CALN1: variants seen among roughly 807,000 people sequenced by gnomAD.
CALN1 encodes the protein calneuron 1, also known as calcium-binding protein 8.
Under a neutral mutation model 30.6 loss-of-function variants are expected in CALN1, and 17 were observed. That is an observed-to-expected ratio of 0.56 (90% CI 0.38 to 0.83). The LOEUF (loss-of-function observed/expected upper bound fraction) is 0.83. Ranked by LOEUF, CALN1 falls within the 40% of genes least tolerant of loss-of-function variation. The pLI, the probability that CALN1 is intolerant of heterozygous loss-of-function variation, is 0.00. For synonymous variants in CALN1, 156 were observed against 131.4 expected (o/e 1.19, Z -1.28); for missense variants, 291 against 354.9 (o/e 0.82, Z 1.45).
At chr7:72,050,146 T>C (rs776970680) in intron 4 of CALN1, among the ~76,000 whole-genome samples, 1 of 152,122 alleles carries the variant, frequency 6.6e-6, no homozygotes, top group African/African-American at 2.4e-5. Flanking sequence ...GATGTCCCTG[T>C]TTTAATAAGG....
chr7:72,315,888 T>C (rs1021065969), intron 2 of CALN1, among the ~76,000 whole-genome samples: 4 of 152,150 alleles, frequency 2.6e-5, no homozygotes, highest in Non-Finnish European at 5.9e-5. Flanking sequence ...GAATCATGCC[T>C]GTAATCCCAG....
intron 5 of CALN1, among the ~76,000 whole-genome samples, chr7:72,016,590 C>G (rs1263597537): frequency 2.6e-5 from 4 of 151,860 alleles, no homozygotes; most frequent in South Asian, 2.1e-4. Flanking sequence ...GTATGTACCA[C>G]CATGCCTCGC....
At chr7:72,499,869 CTTTCTTTCTTTCTTTCTTTCTTT>C in the CALN1 span, among the ~76,000 whole-genome samples, 3 of 61,836 alleles carry the variant, frequency 4.9e-5, no homozygotes, top group African/African-American at 9.1e-5. Flanking sequence ...TTCTTTCTTT[CTTTCTTTCTTTCTTTCTTTCTTT>C]CTTTCTTTCT....
intron 5 of CALN1, among the ~76,000 whole-genome samples, chr7:71,916,887 CACAG>C (rs2117032372): frequency 6.6e-6 from 1 of 152,252 alleles, no homozygotes; most frequent in South Asian, 2.1e-4. Flanking sequence ...TTCCCTGGGC[CACAG>C]ACAGTCTTCT....
At chr7:72,058,310 CTTTTTTT>C (rs3065011) in intron 4 of CALN1, among the ~76,000 whole-genome samples, 8 of 70,776 alleles carry the variant, frequency 1.1e-4, no homozygotes, top group Admixed American at 4.3e-4. Flanking sequence ...AAGCTGGAAT[CTTTTTTT>C]TTTTTTTTTT....
chr7:71,931,515 C>T (rs1313523438), intron 5 of CALN1, among the ~76,000 whole-genome samples: 1 of 152,154 alleles, frequency 6.6e-6, no homozygotes, highest in African/African-American at 2.4e-5. Context: ...GATCGGCCTA[C>T]TTTGGCCTCC....
chr7:71,868,721 T>C (rs1791743565), intron 5 of CALN1, among the ~76,000 whole-genome samples: 1 of 152,080 alleles, frequency 6.6e-6, no homozygotes, highest in Non-Finnish European at 1.5e-5. Flanking sequence ...GCCACCCCCA[T>C]GATCCAGTCA....
intron 3 of CALN1, among the ~76,000 whole-genome samples, chr7:72,181,842 G>A (rs752857939): frequency 6.6e-6 from 1 of 152,144 alleles, no homozygotes; most frequent in Non-Finnish European, 1.5e-5. Context: ...ATGACCATAA[G>A]AACACAAGTA....
chr7:71,826,716 T>A (rs1037003734), intron 5 of CALN1, among the ~76,000 whole-genome samples: 1 of 152,126 alleles, frequency 6.6e-6, no homozygotes, highest in African/African-American at 2.4e-5. Flanking sequence ...TCTGATCTCA[T>A]TTCCTACAGG....
intron 2 of CALN1, among the ~76,000 whole-genome samples, chr7:72,376,501 T>C (rs1804564771): frequency 6.6e-6 from 1 of 152,248 alleles, no homozygotes; most frequent in Admixed American, 6.5e-5. Flanking sequence ...ACTGACTACT[T>C]GTGTATCTTC....
chr7:72,001,396 T>C (rs1031897690), intron 5 of CALN1, among the ~76,000 whole-genome samples: 2 of 152,172 alleles, frequency 1.3e-5, no homozygotes, highest in African/African-American at 4.8e-5. Flanking sequence ...TCTAGGAGCA[T>C]CCAACTCAAG....
chr7:72,257,914 C>T (rs1350265616), intron 3 of CALN1, among the ~76,000 whole-genome samples: 1 of 151,934 alleles, frequency 6.6e-6, no homozygotes, highest in Non-Finnish European at 1.5e-5. Context: ...AGCTAAGCTA[C>T]GAGGATGCAA....
intron 5 of CALN1, among the ~76,000 whole-genome samples, chr7:71,873,227 C>T (rs758504556): frequency 8.5e-5 from 13 of 152,054 alleles, no homozygotes; most frequent in South Asian, 2.1e-4. Context: ...AGGCAGGTCT[C>T]GAACTACTGA....
In CALN1 at chr7:72,029,643, C is replaced by T. The variant is rs186262091; in HGVS notation, c.389-5874G>A. Reference sequence around the variant, plus strand: ...AAGACTAGGTTCATAATCAATCAGGCGCACATGATGAAATCTGCATAAAAA... The same window carrying T: ...AAGACTAGGTTCATAATCAATCAGGTGCACATGATGAAATCTGCATAAAAA... On this transcript the variant is annotated intron_variant, in intron 4 of 6. Transcript: ENST00000395275. Among the ~76,000 whole-genome samples the T allele has an allele frequency of 3.2e-4, 49 of 152,188 alleles. No homozygotes were observed. In the East Asian group the frequency reaches 3.9e-3, roughly 12 times the overall value.
In CALN1 at chr7:71,787,300, T is replaced by C. The variant is rs1793034271; in HGVS notation, c.*475A>G. On this transcript the variant is annotated 3_prime_UTR_variant, in exon 7 of 7. Coordinates refer to ENST00000395275, the MANE Select transcript of CALN1 (RefSeq NM_031468.4). ...CAGGGTGGGATGGAAAGCCCCCTCT[T>C]CTGTGGCAACCCTGAAGTCAGCCTC... The C allele has an allele frequency of 6.3e-6, 1 of 157,726 alleles. No homozygotes were observed. The highest frequency in any genetic ancestry group is 1.9e-4 in the South Asian group (1 of 5,254). The allele number at this position is 157,726 out of a possible 1,614,324, so 9.8% of individuals were successfully genotyped here. A position where few individuals can be genotyped will look rare whatever the true frequency, so the allele number is the denominator to read the frequency against.
chr7:72,283,988 GAC>G (rs1372855235), intron 2 of CALN1, among the ~76,000 whole-genome samples: 3 of 152,190 alleles, frequency 2.0e-5, no homozygotes, highest in Admixed American at 6.5e-5. Flanking sequence ...TACATTTCTT[GAC>G]AGAGTAATAT....
intron 2 of CALN1, among the ~76,000 whole-genome samples, chr7:72,296,054 C>T (rs375345103): frequency 6.6e-5 from 10 of 152,238 alleles, no homozygotes; most frequent in South Asian, 2.1e-4. Context: ...ACCTAATTTA[C>T]TGAGAGTTTT....
At chr7:72,453,635 C>T in the CALN1 span, among the ~76,000 whole-genome samples, 1 of 152,184 alleles carries the variant, frequency 6.6e-6, no homozygotes, top group African/African-American at 2.4e-5. Context: ...CTTTCCAGTT[C>T]CTGTGCAACT....
At chr7:71,788,937 C>A (rs900254566) in intron 6 of CALN1, among the ~76,000 whole-genome samples, 1 of 151,868 alleles carries the variant, frequency 6.6e-6, no homozygotes, top group Non-Finnish European at 1.5e-5. Context: ...GGATTACAGG[C>A]GTGAGCCACT....
Sources: gnomAD v4.1 joint callset for allele counts (sites outside exome capture counted in the v4.1 genomes callset) on GRCh38, gnomAD v4.1.1 for gene constraint, MANE v1.5 for transcripts, NCBI Gene and HGNC (gene_info 2026-07-23, HGNC 2026-07-21) for gene names.